DNAH8: variants seen among roughly 807,000 people sequenced by gnomAD.
DNAH8 encodes the protein dynein axonemal heavy chain 8.
A neutral mutation model predicts 562.1 loss-of-function variants in DNAH8; 382 were observed. The observed-to-expected ratio is 0.68, with a 90% CI of 0.63 to 0.74. The LOEUF is 0.74. Ranked by LOEUF, DNAH8 falls within the 30% of genes least tolerant of loss-of-function variation. The pLI, the probability that DNAH8 is intolerant of heterozygous loss-of-function variation, is 0.00. For synonymous variants in DNAH8, 1,881 were observed against 1,919.4 expected (o/e 0.98, Z 0.52); for missense variants, 5,203 against 5,620.4 (o/e 0.93, Z 2.37).
intron 88 of DNAH8, among the ~76,000 whole-genome samples, chr6:38,998,101 G>A (rs964611327): frequency 1.3e-5 from 2 of 152,164 alleles, no homozygotes; most frequent in African/African-American, 4.8e-5. Flanking sequence ...TGGAGAACTC[G>A]ATGCCCCCTG....
chr6:38,908,219 T>C, intron 64 of DNAH8, 99 bp downstream of exon 64: 1 of 639,114 alleles, frequency 1.6e-6, no homozygotes, highest in Non-Finnish European at 2.4e-6. Flanking sequence ...TAGAAATTAA[T>C]ATTTTTACAT....
At chr6:39,006,732 C>T (rs1195890839) in intron 88 of DNAH8, among the ~76,000 whole-genome samples, 1 of 152,146 alleles carries the variant, frequency 6.6e-6, no homozygotes, top group Non-Finnish European at 1.5e-5. Flanking sequence ...TAAATGTTAA[C>T]TAATGTTACA....
In DNAH8 at chr6:38,912,230, A is replaced by G. The variant is rs972497778; in HGVS notation, c.9859+644A>G. Among the ~76,000 whole-genome samples, 10 of 152,256 alleles carry G rather than the reference A, an allele frequency of 6.6e-5. No homozygotes were observed. In the South Asian group the frequency reaches 1.5e-3, roughly 22 times the overall value. ...TGTAATTCCACACTTTGAGAGGCCA[A>G]CGCAAGCGGATCACTTGAGCCCAGG... On this transcript the variant is annotated intron_variant, in intron 66 of 92. Transcript: ENST00000327475.
At chr6:38,864,165 T>C in intron 45 of DNAH8, 105 bp downstream of exon 45, 1 of 1,006,710 alleles carries the variant, frequency 9.9e-7, no homozygotes, top group Non-Finnish European at 1.5e-6. Flanking sequence ...CCAGGAGTTA[T>C]AAGCTGTTCT....
Position 38,723,048 on chromosome 6 carries a change from A to C in DNAH8, c.239A>C (p.Asp80Ala), listed in dbSNP as rs1463244818. 1.2e-6 allele frequency: 2 copies of C among 1,612,770 alleles called. No homozygotes were observed. Among genetic ancestry groups the C allele is most frequent in the African/African-American group, 2.7e-5 (2 of 74,934 alleles). The change falls in exon 2 of 93, where the codon GAT becomes GCT. Residue 80 changes from aspartate to alanine, a missense_variant. This residue lies in a region of DNAH8 where 556 missense variants were observed against 496.9 expected (regional missense o/e 1.12). Transcript: ENST00000327475. ...GTTCTTCCAGATGATCATGAAGCGG[A>C]TCTGAATAGAGTTCGACAGAGGCTT... ...GIVLPDDHEA[D>A]LNRVRQRLAP...
chr6:38,994,826 T>G (rs1765033035), intron 88 of DNAH8, among the ~76,000 whole-genome samples: 1 of 151,938 alleles, frequency 6.6e-6, no homozygotes, highest in Non-Finnish European at 1.5e-5. Flanking sequence ...TGTATTTTAG[T>G]AGGGAAGGGG....
chr6:38,913,809 C>A, intron 66 of DNAH8, 40 bp from the exon 67 acceptor site: 1 of 1,405,604 alleles, frequency 7.1e-7, no homozygotes, highest in South Asian at 1.2e-5. Context: ...AAGGCATATA[C>A]CTGTACTCAG....
chr6:38,921,034 G>C (rs549297893), intron 70 of DNAH8, among the ~76,000 whole-genome samples: 3 of 152,048 alleles, frequency 2.0e-5, no homozygotes, highest in African/African-American at 4.8e-5. Context: ...TGGACTACAG[G>C]TGCATGCCAC....
At chr6:38,774,443 G>A (rs1322500285) in intron 12 of DNAH8, among the ~76,000 whole-genome samples, 1 of 152,126 alleles carries the variant, frequency 6.6e-6, no homozygotes, top group African/African-American at 2.4e-5. Context: ...AAAAAGCCAG[G>A]GCCAGGACAA....
chr6:38,723,747 G>T (rs183189288), intron 3 of DNAH8, among the ~76,000 whole-genome samples: 5 of 151,910 alleles, frequency 3.3e-5, no homozygotes, highest in African/African-American at 1.2e-4. Context: ...ATGGTGGTCC[G>T]TACCTGTGGT....
At chr6:38,930,644 T>C (rs1782486695) in intron 75 of DNAH8, among the ~76,000 whole-genome samples, 1 of 152,150 alleles carries the variant, frequency 6.6e-6, no homozygotes, top group Non-Finnish European at 1.5e-5. Flanking sequence ...AAAAAGAAGC[T>C]AAGAACAAAA....
chr6:38,721,693 T>G (rs1762768920), intron 1 of DNAH8, among the ~76,000 whole-genome samples: 1 of 152,180 alleles, frequency 6.6e-6, no homozygotes, highest in Non-Finnish European at 1.5e-5. Flanking sequence ...GTAGGCCAAC[T>G]AAGTGTATCA....
At chr6:38,997,105 C>T (rs1765187174) in intron 88 of DNAH8, among the ~76,000 whole-genome samples, 1 of 152,190 alleles carries the variant, frequency 6.6e-6, no homozygotes, top group African/African-American at 2.4e-5. Context: ...CCCCTTTCCC[C>T]AGCATGTCTT....
intron 30 of DNAH8, among the ~76,000 whole-genome samples, chr6:38,831,331 G>A (rs1773813678): frequency 6.6e-6 from 1 of 151,228 alleles, no homozygotes. Flanking sequence ...AGGCTGAGGT[G>A]GGAGGATCAC....
At chr6:38,748,757 A>ATAATAATAG (rs1476997898) in intron 8 of DNAH8, among the ~76,000 whole-genome samples, 1 of 140,680 alleles carries the variant, frequency 7.1e-6, no homozygotes, top group East Asian at 2.0e-4. Context: ...CCGTCTCAAA[A>ATAATAATAG]TAATAATAAT....
intron 4 of DNAH8, among the ~76,000 whole-genome samples, chr6:38,730,711 C>A (rs1763598783): frequency 6.6e-6 from 1 of 152,168 alleles, no homozygotes; most frequent in Admixed American, 6.5e-5. Flanking sequence ...GGATTGGGTC[C>A]ACATCTCATT....
In DNAH8 at chr6:38,746,328, T is replaced by C. The variant is rs569548400; in HGVS notation, c.1294-4148T>C. Reference sequence around the variant, plus strand: ...GGTTGGCTTGTGTGTTTCCTTCTGATTCCCTTACTCTGTTTGGACCACTTC... The same window carrying C: ...GGTTGGCTTGTGTGTTTCCTTCTGACTCCCTTACTCTGTTTGGACCACTTC... On this transcript the variant is annotated intron_variant, in intron 8 of 92. Coordinates refer to ENST00000327475, the MANE Select transcript of DNAH8 (RefSeq NM_001206927.2). Among the ~76,000 whole-genome samples the C allele has an allele frequency of 3.3e-5, 5 of 152,314 alleles. No individual in the cohort carries two copies. The South Asian group carries it at 8.3e-4, about 25-fold the overall frequency.
chr6:38,932,771 A>G (rs540427039), intron 76 of DNAH8: 11 of 152,376 alleles, frequency 7.2e-5, no homozygotes, highest in Non-Finnish European at 1.3e-4. Flanking sequence ...GAGGGAAAAG[A>G]GGAGATGTGA....
intron 91 of DNAH8, among the ~76,000 whole-genome samples, chr6:39,022,566 C>T (rs1415554006): frequency 2.0e-5 from 3 of 152,236 alleles, no homozygotes; most frequent in African/African-American, 7.2e-5. Context: ...CCCAGCCCTG[C>T]CCTGCCCTGC....
Sources: gnomAD v4.1 joint callset for allele counts (sites outside exome capture counted in the v4.1 genomes callset) on GRCh38, gnomAD v4.1.1 for gene constraint, gnomAD v4.1.1 regional missense constraint, MANE v1.5 for transcripts, NCBI Gene and HGNC (gene_info 2026-07-23, HGNC 2026-07-21) for gene names.